FECH: variants seen among roughly 807,000 people sequenced by gnomAD.
The protein encoded by FECH is ferrochelatase.
In FECH, 40 loss-of-function variants were observed where a neutral mutation model predicts 56.9. The ratio of observed to expected loss-of-function variants is 0.70; its 90% CI spans 0.55 to 0.92. FECH has a LOEUF of 0.92. Among genes scored for constraint, FECH ranks in the 40% least tolerant of loss-of-function variants. FECH has a pLI of 0.00. For synonymous variants in FECH, 175 were observed against 198.6 expected (o/e 0.88, Z 1.00); for missense variants, 431 against 529.1 (o/e 0.81, Z 1.82).
At chr18:57,558,230 G>A (rs773450275) in intron 7 of FECH, among the ~76,000 whole-genome samples, 1 of 152,252 alleles carries the variant, frequency 6.6e-6, no homozygotes, top group Non-Finnish European at 1.5e-5. Flanking sequence ...CTGAGCAGAT[G>A]AAACTGGTTG....
At chr18:57,550,981 CA>C in intron 10 of FECH, 135 bp from the exon 11 acceptor site, 1 of 1,008,660 alleles carries the variant, frequency 9.9e-7, no homozygotes, top group Non-Finnish European at 1.5e-6. Flanking sequence ...CCCTTTGAAC[CA>C]AATTCTACAG....
chr18:57,577,101 T>C lies in FECH; in HGVS notation c.194+2972A>G, dbSNP rs755009827. Among the ~76,000 whole-genome samples the C allele has an allele frequency of 3.3e-5, 5 of 152,206 alleles. No homozygotes were observed. The South Asian group carries it at 6.2e-4, about 19-fold the overall frequency. On this transcript the variant is annotated intron_variant, in intron 2 of 10. Transcript: ENST00000262093. ...TTAATAAACAATAATTCTATTCTAC[T>C]CTATATGGTCAGCCTCAAGAAAAAG...
intron 4 of FECH, among the ~76,000 whole-genome samples, chr18:57,570,032 C>CGTGTGTGTGTGTGTGTGT (rs10608112): frequency 8.1e-6 from 1 of 122,764 alleles, no homozygotes; most frequent in Non-Finnish European, 1.8e-5. Flanking sequence ...TTGTTGTTGT[C>CGTGTGTGTGTGTGTGTGT]GTGTGTGTGT....
chr18:57,582,033 C>T (rs1376811817), intron 1 of FECH, among the ~76,000 whole-genome samples: 1 of 128,736 alleles, frequency 7.8e-6, no homozygotes, highest in Non-Finnish European at 1.6e-5. Flanking sequence ...AATTCCAAGG[C>T]TCAAACCAAC....
chr18:57,565,466 C>A (rs1055189322), intron 5 of FECH, among the ~76,000 whole-genome samples: 1 of 151,622 alleles, frequency 6.6e-6, no homozygotes, highest in East Asian at 1.9e-4. Flanking sequence ...ATTAGCCGAG[C>A]GTGGTGGCAC....
At chr18:57,570,940 C>T (rs1381287295) in intron 4 of FECH, among the ~76,000 whole-genome samples, 2 of 152,220 alleles carry the variant, frequency 1.3e-5, no homozygotes, top group Non-Finnish European at 2.9e-5. Context: ...CTGCGAGTTG[C>T]TTACTGTCCT....
chr18:57,572,866 A>AAGAAGGGCAGC (rs376450600), intron 3 of FECH: 2,024 of 182,132 alleles, frequency 0.011, 33 homozygotes, highest in African/African-American at 0.036. Flanking sequence ...ATGAAAGGAA[A>AAGAAGGGCAGC]AGAAGGGCAG....
chr18:57,551,425 T>A, intron 9 of FECH, 51 bp from the exon 10 acceptor site: 1 of 1,048,394 alleles, frequency 9.5e-7, no homozygotes, highest in South Asian at 1.5e-5. Context: ...TTTATTTTCC[T>A]TTTTTTTTCA....
intron 9 of FECH, among the ~76,000 whole-genome samples, chr18:57,551,976 C>T (rs940247737): frequency 1.3e-5 from 2 of 151,536 alleles, no homozygotes; most frequent in African/African-American, 4.9e-5. Context: ...CTCTGCGTCC[C>T]GGGTTCAAGG....
chr18:57,572,956 A>T (rs900925707), intron 3 of FECH: 1 of 413,310 alleles, frequency 2.4e-6, no homozygotes, highest in African/African-American at 2.0e-5. Context: ...TGACAAGTAC[A>T]AATATATCTT....
At chr18:57,586,467 C>G (rs1023306937) in intron 1 of FECH, 87 bp downstream of exon 1, 1 of 1,387,060 alleles carries the variant, frequency 7.2e-7, no homozygotes, top group Non-Finnish European at 9.7e-7. Context: ...ATCCCCCGGG[C>G]GCGAGGGCCC....
chr18:57,586,655 C>T lies in FECH; in HGVS notation c.-35G>A, dbSNP rs1160999106. On this transcript the variant is annotated 5_prime_UTR_variant, in exon 1 of 11. Transcript: ENST00000262093. ...AGCCTCGGCCCGAGTCCGGGCTCCT[C>T]CCGCGGCGGCGCGCCCAGGTGTCCG... 1.3e-6 allele frequency: 2 copies of T among 1,487,500 alleles called. No individual in the cohort carries two copies. Among genetic ancestry groups the T allele is most frequent in the Non-Finnish European group, 1.8e-6 (2 of 1,124,716 alleles). 92.1% of individuals were successfully genotyped at this position (1,487,500 alleles called of 1,614,324 possible). A position where few individuals can be genotyped will look rare whatever the true frequency, so the allele number is the denominator to read the frequency against.
At chr18:57,551,448 CA>C in intron 9 of FECH, 74 bp from the exon 10 acceptor site, 2 of 1,162,582 alleles carry the variant, frequency 1.7e-6, no homozygotes, top group Non-Finnish European at 1.3e-6. Context: ...GAAACTGCTA[CA>C]AAAAAATAAA....
chr18:57,565,928 T>C (rs1313857918), intron 5 of FECH, among the ~76,000 whole-genome samples: 1 of 152,138 alleles, frequency 6.6e-6, no homozygotes, highest in Non-Finnish European at 1.5e-5. Context: ...TTTTCCAAAA[T>C]CAAGAAAACA....
intron 3 of FECH, chr18:57,573,010 A>G (rs1042296787): frequency 1.8e-6 from 1 of 550,088 alleles, no homozygotes; most frequent in African/African-American, 1.9e-5. Context: ...GACAACTGCA[A>G]TTTCCAGGGC....
At chr18:57,580,270 C>A in intron 1 of FECH, 71 bp from the exon 2 acceptor site, 1 of 1,566,212 alleles carries the variant, frequency 6.4e-7, no homozygotes. Context: ...GTCCTCAGAG[C>A]ATAATTCCTG....
In FECH at chr18:57,546,293, C is replaced by G. The variant is rs1281223125; in HGVS notation, c.*4419G>C. 6.6e-6 allele frequency among the ~76,000 whole-genome samples: 1 copy of G among 152,174 alleles called. No individual in the cohort carries two copies. The highest frequency in any genetic ancestry group is 1.5e-5 in the Non-Finnish European group (1 of 68,030). On this transcript the variant is annotated 3_prime_UTR_variant, in exon 11 of 11. Transcript: ENST00000262093. Reference sequence around the variant, plus strand: ...ACACATAGACGTTCGCTTACAGCTGCCAGCTTTAAATTCTGCCTTCCCGCT... The same window carrying G: ...ACACATAGACGTTCGCTTACAGCTGGCAGCTTTAAATTCTGCCTTCCCGCT...
At chr18:57,560,564 T>C (rs2050931293) in intron 6 of FECH, among the ~76,000 whole-genome samples, 1 of 152,138 alleles carries the variant, frequency 6.6e-6, no homozygotes. Context: ...GGCGGGAGGA[T>C]CACCTGGGCC....
chr18:57,580,984 C>T (rs2051269684), intron 1 of FECH, among the ~76,000 whole-genome samples: 1 of 152,146 alleles, frequency 6.6e-6, no homozygotes, highest in Non-Finnish European at 1.5e-5. Context: ...TTTGCAGGGG[C>T]AAGAGTGGAA....
Sources: gnomAD v4.1 joint callset for allele counts (sites outside exome capture counted in the v4.1 genomes callset) on GRCh38, gnomAD v4.1.1 for gene constraint, MANE v1.5 for transcripts, NCBI Gene and HGNC (gene_info 2026-07-23, HGNC 2026-07-21) for gene names.